Variants in NIPAL3 observed in about 807,000 individuals in gnomAD.
NIPAL3 encodes NIPA-like protein 3.
NIPAL3 carries 41 observed loss-of-function variants against 47.2 expected under a neutral mutation model. The ratio of observed to expected loss-of-function variants is 0.87; its 90% confidence interval spans 0.68 to 1.13. The LOEUF (loss-of-function observed/expected upper bound fraction) is 1.13, where lower values mean the gene tolerates loss of function less well. Among genes scored for constraint, NIPAL3 ranks in the 50% most tolerant of loss-of-function variants. The pLI is 0.00. For missense variants in NIPAL3, 449 were observed against 530.1 expected (o/e 0.85, Z 1.50); for synonymous variants, 194 against 209.6 (o/e 0.93, Z 0.64).
At chr1:24,444,222 T>C (rs1645539858) in intron 4 of NIPAL3, among the ~76,000 whole-genome samples, 1 of 152,180 alleles carries the variant, frequency 6.6e-6, no homozygotes, top group Non-Finnish European at 1.5e-5. Context: ...TTATTGAGAT[T>C]GACTGTGTGC....
intron 2 of NIPAL3, among the ~76,000 whole-genome samples, chr1:24,436,234 T>C (rs945669407): frequency 6.6e-6 from 1 of 152,142 alleles, no homozygotes; most frequent in Admixed American, 6.5e-5. Context: ...TAAAAGTGTT[T>C]TTCTTGCCAA....
At chr1:24,448,168 C>T (rs142133839) in intron 5 of NIPAL3, among the ~76,000 whole-genome samples, 170 of 152,324 alleles carry the variant, frequency 1.1e-3, no homozygotes, top group African/African-American at 3.8e-3. Flanking sequence ...CATGGTATCA[C>T]ATTTTCTCTA....
intron 2 of NIPAL3, among the ~76,000 whole-genome samples, chr1:24,423,425 G>A (rs1644423259): frequency 6.6e-6 from 1 of 152,202 alleles, no homozygotes; most frequent in South Asian, 2.1e-4. Context: ...GGGATCACGA[G>A]GTCAGGAGAT....
rs543989734 is a variant in NIPAL3 at position 24,469,628 on chromosome 1, C to G, written c.*443C>G. On this transcript the variant is annotated 3_prime_UTR_variant, in exon 12 of 12. Coordinates refer to ENST00000374399, the MANE Select transcript of NIPAL3 (RefSeq NM_020448.5). ...CACCTCATGTGCATGCCTGATCTCA[C>G]CCTGACACTCCTGATGCCGCATCTG... 6.2e-6 allele frequency: 1 copy of G among 160,148 alleles called. No individual in the cohort carries two copies. The highest frequency in any genetic ancestry group is 5.9e-5 in the Admixed American group (1 of 16,852). The allele number at this position is 160,148 out of a possible 1,614,324, so 9.9% of individuals were successfully genotyped here.
chr1:24,440,960 ACCTT>A (rs1324771785), intron 3 of NIPAL3, among the ~76,000 whole-genome samples: 1 of 152,092 alleles, frequency 6.6e-6, no homozygotes, highest in African/African-American at 2.4e-5. Context: ...TCATGAATGC[ACCTT>A]TCATCTCTGT....
At chr1:24,439,768 T>C (rs965328029) in intron 2 of NIPAL3, among the ~76,000 whole-genome samples, 3 of 152,214 alleles carry the variant, frequency 2.0e-5, no homozygotes, top group African/African-American at 7.2e-5. Context: ...AAGAGTTTCA[T>C]TGAAACCCTC....
intron 6 of NIPAL3, among the ~76,000 whole-genome samples, chr1:24,453,195 A>G (rs1336042199): frequency 6.6e-6 from 1 of 152,044 alleles, no homozygotes; most frequent in Non-Finnish European, 1.5e-5. Flanking sequence ...ACAACAGGGA[A>G]TTCCTTCTCA....
At chr1:24,466,673 A>G (rs536417507) in intron 11 of NIPAL3, among the ~76,000 whole-genome samples, 38 of 152,164 alleles carry the variant, frequency 2.5e-4, no homozygotes, top group Non-Finnish European at 4.9e-4. Flanking sequence ...CACCTCTCTC[A>G]TTGCAATGTG....
In NIPAL3 at chr1:24,460,505, T is replaced by A. The variant is rs943612792; in HGVS notation, c.887T>A (p.Ile296Asn). 6.3e-7 allele frequency: 1 copy of A among 1,587,448 alleles called. No homozygotes were observed. ...TAGAIFYLDF[I>N]GEDVLHICMF... Reference sequence around the variant, plus strand: ...GGTGCAATATTTTACCTGGACTTCATCGGGGAGGACGTGCTGCACATCTGC... The same window carrying A: ...GGTGCAATATTTTACCTGGACTTCAACGGGGAGGACGTGCTGCACATCTGC... The change falls in exon 10 of 12, where the codon ATC becomes AAC. Residue 296 changes from isoleucine (I) to asparagine (N), a missense_variant. Physicochemically the swap from Ile to Asn is moderately radical, Grantham distance 149 (BLOSUM62 -3). Transcript: ENST00000374399.
rs200988381 is a variant in NIPAL3 at position 24,419,678 on chromosome 1, C to G, written c.93+38C>G. The G allele has an allele frequency of 3.6e-5, 57 of 1,583,258 alleles. No homozygotes were observed. In the East Asian group the frequency reaches 1.2e-3, roughly 34 times the overall value. On this transcript the variant is annotated intron_variant, in intron 2 of 11. Transcript: ENST00000374399. ...TTGGGGTTTGGGAATTTGTATTTTC[C>G]TAGCAAGGAAGTTACACAGTGCTCT...
At chr1:24,423,129 G>C (rs746174263) in intron 2 of NIPAL3, among the ~76,000 whole-genome samples, 1 of 152,216 alleles carries the variant, frequency 6.6e-6, no homozygotes, top group Non-Finnish European at 1.5e-5. Context: ...GGAGCTACTG[G>C]TCAGCTTGAG....
intron 2 of NIPAL3, among the ~76,000 whole-genome samples, chr1:24,423,555 G>T (rs1420927152): frequency 6.6e-6 from 1 of 152,040 alleles, no homozygotes; most frequent in Non-Finnish European, 1.5e-5. Context: ...GCGTGAACCC[G>T]GGAGGCAGAG....
chr1:24,424,529 GA>G (rs1644486268), intron 2 of NIPAL3, among the ~76,000 whole-genome samples: 1 of 152,192 alleles, frequency 6.6e-6, no homozygotes, highest in African/African-American at 2.4e-5. Context: ...GGTTTTGAGG[GA>G]AAGCCATCTC....
intron 2 of NIPAL3, among the ~76,000 whole-genome samples, chr1:24,429,815 C>T (rs1314286801): frequency 1.3e-5 from 2 of 152,188 alleles, no homozygotes; most frequent in Non-Finnish European, 2.9e-5. Context: ...GAACCCAAGG[C>T]CCTACAGCTG....
At chr1:24,414,754 T>G (rs1643941815), upstream of NIPAL3, 1 of 152,092 alleles carries the variant, frequency 6.6e-6, no homozygotes, top group African/African-American at 2.4e-5. Context: ...CAGGCTGGTC[T>G]CAAACTCCTG....
At chr1:24,435,133 A>T (rs1372912473) in intron 2 of NIPAL3, among the ~76,000 whole-genome samples, 1 of 152,218 alleles carries the variant, frequency 6.6e-6, no homozygotes, top group African/African-American at 2.4e-5. Flanking sequence ...TTCAACAAAG[A>T]TGCTAAGACC....
chr1:24,439,750 C>T (rs1645288754), intron 2 of NIPAL3, among the ~76,000 whole-genome samples: 1 of 152,094 alleles, frequency 6.6e-6, no homozygotes, highest in Admixed American at 6.6e-5. Flanking sequence ...AGCAAGTGAG[C>T]CAGTTAAAAG....
intron 2 of NIPAL3, among the ~76,000 whole-genome samples, chr1:24,422,395 G>A (rs534867726): frequency 5.5e-4 from 84 of 152,238 alleles, no homozygotes; most frequent in African/African-American, 2.0e-3. Context: ...CTCAGTTTCT[G>A]TCTCTGTAAA....
At chr1:24,440,511 C>T (rs1645329914) in intron 3 of NIPAL3, among the ~76,000 whole-genome samples, 1 of 152,200 alleles carries the variant, frequency 6.6e-6, no homozygotes, top group African/African-American at 2.4e-5. Context: ...TGGTCTCATC[C>T]CTCTTTGCCT....
Sources: allele counts gnomAD v4.1 joint callset (sites outside exome capture counted in the v4.1 genomes callset), GRCh38; gene constraint gnomAD v4.1.1; transcripts MANE v1.5; gene names NCBI Gene and HGNC (gene_info 2026-07-23, HGNC 2026-07-21).